Variants in COPZ2 observed in about 807,000 individuals in gnomAD.
COPZ2 encodes the protein coat protein complex I subunit zeta 2.
COPZ2 carries 30 observed loss-of-function variants against 33.2 expected under a neutral mutation model. That is an observed-to-expected ratio of 0.90 (90% CI 0.68 to 1.23). The LOEUF (loss-of-function observed/expected upper bound fraction) is 1.23. COPZ2 is among the 50% of genes most tolerant of loss of function. COPZ2 has a pLI of 0.00. For synonymous variants in COPZ2, 89 were observed against 102.6 expected, an observed-to-expected ratio of 0.87 and a Z score of 0.80; for missense variants, 263 against 262.4, an observed-to-expected ratio of 1.00 and a Z score of -0.02.
chr17:48,036,619 A>T (rs541093946), intron 2 of COPZ2, among the ~76,000 whole-genome samples: 1 of 152,346 alleles, frequency 6.6e-6, no homozygotes, highest in South Asian at 2.1e-4. Flanking sequence ...GCCCAGGTCC[A>T]ACTGGCCAGT....
At chr17:48,029,978 ATT>A (rs974122820) in intron 6 of COPZ2, among the ~76,000 whole-genome samples, 5 of 141,140 alleles carry the variant, frequency 3.5e-5, no homozygotes, top group Non-Finnish European at 7.7e-5. Context: ...AAAAAAAAAA[ATT>A]TTTTTTTTAA....
the COPZ2 span, among the ~76,000 whole-genome samples, chr17:48,043,743 T>C: frequency 2.6e-5 from 4 of 152,334 alleles, no homozygotes; most frequent in South Asian, 2.1e-4. Flanking sequence ...TTTATGAATA[T>C]GTACATTGTT....
chr17:48,032,544 C>T (rs1001714778), intron 5 of COPZ2, 142 bp downstream of exon 5: 58 of 725,992 alleles, frequency 8.0e-5, no homozygotes, highest in African/African-American at 6.6e-4. Context: ...GCCCTACTTT[C>T]GTTCATTGTG....
intron 8 of COPZ2, among the ~76,000 whole-genome samples, chr17:48,027,212 C>T (rs1220350182): frequency 6.6e-6 from 1 of 152,366 alleles, no homozygotes; most frequent in Admixed American, 6.5e-5. Flanking sequence ...ACTTTGTCCT[C>T]ATTTTATCCC....
chr17:48,030,295 C>CACACAT (rs2036875903), intron 6 of COPZ2, among the ~76,000 whole-genome samples: 1 of 145,892 alleles, frequency 6.9e-6, no homozygotes, highest in African/African-American at 2.6e-5. Context: ...TCAAAACACA[C>CACACAT]ACACACACAC....
chr17:48,037,209 G>A lies in COPZ2; in HGVS notation c.112-284C>T, dbSNP rs762424456. ...TCATGCACTGACTGCTCCAGAGCCCGAGTCGGAGTGTATCACAGAACCTGG... is the reference window on the plus strand; with the variant it reads ...TCATGCACTGACTGCTCCAGAGCCCAAGTCGGAGTGTATCACAGAACCTGG... On this transcript the variant is annotated intron_variant, in intron 1 of 8. Coordinates refer to ENST00000621465, the MANE Select transcript of COPZ2 (RefSeq NM_016429.4). The surrounding 1 kb of genome is among the most constrained non-coding windows in gnomAD (Gnocchi z 5.6). The A allele has an allele frequency of 2.3e-5, 15 of 663,116 alleles. No individual in the cohort carries two copies. The highest frequency in any genetic ancestry group is 1.6e-4 in the Admixed American group (8 of 49,718). The allele number at this position is 663,116 out of a possible 1,614,324, so 41.1% of individuals were successfully genotyped here.
At chr17:48,039,011 G>C (rs1025958541), upstream of COPZ2, among the ~76,000 whole-genome samples, 8 of 152,086 alleles carry the variant, frequency 5.3e-5, no homozygotes, top group South Asian at 4.2e-4. Context: ...GTCTCACTCT[G>C]TTGCCCAGGC....
At position 48,037,572 on chromosome 17, in the gene COPZ2, G is replaced by A. The variant is rs575497678; in HGVS notation, c.111+95C>T. 1.0e-5 allele frequency: 10 copies of A among 1,004,194 alleles called. No individual in the cohort carries two copies. The highest frequency in any genetic ancestry group is 9.6e-6 in the Non-Finnish European group (8 of 829,680). 62.2% of individuals were successfully genotyped at this position (1,004,194 alleles called of 1,614,324 possible). The stretch of plus-strand genomic sequence containing the variant: ...GGTGACACAAAGTTCCCAGCCGCCG[G>A]GCGCGCGAGTTCTGAGTTGGCTGCT... On this transcript the variant is annotated intron_variant, in intron 1 of 8. Transcript: ENST00000621465. The surrounding 1 kb of genome is among the most constrained non-coding windows in gnomAD (Gnocchi z 5.6).
intron 4 of COPZ2, 136 bp downstream of exon 4, chr17:48,033,074 GC>G: frequency 1.6e-6 from 1 of 640,104 alleles, no homozygotes; most frequent in South Asian, 1.8e-5. Context: ...CCTTCTGGCT[GC>G]CCTCCTCTAC....
In COPZ2 at chr17:48,028,386, T is replaced by C; in HGVS notation, c.585+86A>G. ...GATTTTTCAGACTTGATAACTTCAC[T>C]GGGTCCCCCTAGGATGCTCTAGGAT... On this transcript the variant is annotated intron_variant, in intron 8 of 8. Transcript: ENST00000621465. The surrounding 1 kb of genome is among the most constrained non-coding windows in gnomAD (Gnocchi z 4.5). 3 of 1,339,230 alleles carry C rather than the reference T, an allele frequency of 2.2e-6. No individual in the cohort carries two copies. The highest frequency in any genetic ancestry group is 3.1e-6 in the Non-Finnish European group (3 of 979,924). The allele number at this position is 1,339,230 out of a possible 1,614,324, so 83.0% of individuals were successfully genotyped here. A position where few individuals can be genotyped will look rare whatever the true frequency, so the allele number is the denominator to read the frequency against.
the COPZ2 span, chr17:48,043,501 G>A: frequency 3.0e-6 from 3 of 984,974 alleles, no homozygotes; most frequent in South Asian, 9.4e-5. Flanking sequence ...ATGAGGCGTG[G>A]AAGTGTGTAC....
chr17:48,044,216 G>C, the COPZ2 span, among the ~76,000 whole-genome samples: 1 of 152,076 alleles, frequency 6.6e-6, no homozygotes, highest in Non-Finnish European at 1.5e-5. Flanking sequence ...GCGTGGTGGT[G>C]TGCACCTTTA....
In COPZ2 at chr17:48,028,171, A is replaced by G. The variant is rs2036842809; in HGVS notation, c.585+301T>C. On this transcript the variant is annotated intron_variant, in intron 8 of 8. Coordinates refer to ENST00000621465, the MANE Select transcript of COPZ2 (RefSeq NM_016429.4). The surrounding 1 kb of genome is among the most constrained non-coding windows in gnomAD (Gnocchi z 4.5). Reference sequence around the variant, plus strand: ...TTTGGGGTGCACAAGTGACCCAGCCATCTCCAAGGTAGGCAGCTCATCCTA... The same window carrying G: ...TTTGGGGTGCACAAGTGACCCAGCCGTCTCCAAGGTAGGCAGCTCATCCTA... Among the ~76,000 whole-genome samples the G allele has an allele frequency of 6.6e-6, 1 of 152,196 alleles. No individual in the cohort carries two copies. The highest frequency in any genetic ancestry group is 2.4e-5 in the African/African-American group (1 of 41,436).
rs764401202 is a variant in COPZ2 at position 48,032,143 on chromosome 17, G to A, written c.494+13C>T. 6.2e-7 allele frequency: 1 copy of A among 1,609,184 alleles called. No homozygotes were observed. The highest frequency in any genetic ancestry group is 8.5e-7 in the Non-Finnish European group (1 of 1,176,898). On this transcript the variant is annotated intron_variant, in intron 6 of 8. Coordinates refer to ENST00000621465, the MANE Select transcript of COPZ2 (RefSeq NM_016429.4). ...ACTCCTGCTGTGAGTGTCCCTGACTGTCCCCTCCTCACCCGCCATCCACAA... is the reference window on the plus strand; with the variant it reads ...ACTCCTGCTGTGAGTGTCCCTGACTATCCCCTCCTCACCCGCCATCCACAA...
the COPZ2 span, chr17:48,043,487 G>T: frequency 1.0e-6 from 1 of 983,112 alleles, no homozygotes; most frequent in Non-Finnish European, 1.2e-6. Context: ...GGTGTGTGTG[G>T]AATATGAGGC....
intron 4 of COPZ2, chr17:48,032,988 G>A (rs1466984049): frequency 3.0e-5 from 18 of 595,402 alleles, no homozygotes; most frequent in Middle Eastern, 4.3e-4. Flanking sequence ...CTCCCTTGAA[G>A]ATGAAGTGAT....
At chr17:48,039,226 T>G (rs888933104), upstream of COPZ2, among the ~76,000 whole-genome samples, 1 of 151,978 alleles carries the variant, frequency 6.6e-6, no homozygotes, top group African/African-American at 2.4e-5. Flanking sequence ...ATCCCAGCAC[T>G]TTGGGAGGCT....
At chr17:48,032,503 G>A (rs550965055) in intron 5 of COPZ2, among the ~76,000 whole-genome samples, 183 bp downstream of exon 5, 4 of 152,306 alleles carry the variant, frequency 2.6e-5, no homozygotes, top group South Asian at 4.1e-4. Flanking sequence ...CCCCAGATGC[G>A]TTTCACAACT....
upstream of COPZ2, among the ~76,000 whole-genome samples, chr17:48,042,124 TTTTC>T (rs1383108525): frequency 2.0e-5 from 3 of 151,040 alleles, no homozygotes; most frequent in African/African-American, 7.3e-5. Flanking sequence ...TGTTGTTGCT[TTTTC>T]TTTTTCTTTT....
Sources: allele counts gnomAD v4.1 joint callset (sites outside exome capture counted in the v4.1 genomes callset), GRCh38; gene constraint gnomAD v4.1.1; non-coding constraint Gnocchi (gnomAD v3.1); transcripts MANE v1.5; gene names NCBI Gene and HGNC (gene_info 2026-07-23, HGNC 2026-07-21).